The following ALS2 variants were observed in gnomAD, a reference collection of about 807,000 sequenced individuals.
ALS2 encodes alsin Rho guanine nucleotide exchange factor ALS2.
A neutral mutation model predicts 203.4 loss-of-function variants in ALS2; 117 were observed. That is an observed-to-expected ratio of 0.58 (90% CI 0.50 to 0.67). The LOEUF (loss-of-function observed/expected upper bound fraction) is 0.67, where lower values mean the gene tolerates loss of function less well. Ranked by LOEUF, ALS2 falls within the 30% of genes least tolerant of loss-of-function variation. The probability of loss-of-function intolerance (pLI) is 0.00; values close to 1 mark genes in which losing one functional copy is unlikely to be tolerated. For missense variants in ALS2, 1,715 were observed against 1,989.4 expected, an observed-to-expected ratio of 0.86 and a Z score of 2.62; for synonymous variants, 718 against 725.9, an observed-to-expected ratio of 0.99 and a Z score of 0.17.
At chr2:201,744,121 A>T in intron 10 of ALS2, 137 bp downstream of exon 10, 1 of 935,378 alleles carries the variant, frequency 1.1e-6, no homozygotes. Context: ...ATTGTTGACT[A>T]CCTGTGTACA....
intron 23 of ALS2, among the ~76,000 whole-genome samples, chr2:201,720,982 G>T (rs1049792457): frequency 6.6e-6 from 1 of 151,888 alleles, no homozygotes; most frequent in Non-Finnish European, 1.5e-5. Context: ...ACTAATAAAC[G>T]AATTCAGCAA....
chr2:201,720,461 G>A (rs1690699338), intron 23 of ALS2, among the ~76,000 whole-genome samples: 1 of 148,798 alleles, frequency 6.7e-6, no homozygotes, highest in East Asian at 2.0e-4. Context: ...CTAGCACTTT[G>A]GGAGGCCGAG....
chr2:201,762,355 C>T (rs978597435), intron 3 of ALS2, among the ~76,000 whole-genome samples: 1 of 152,178 alleles, frequency 6.6e-6, no homozygotes, highest in African/African-American at 2.4e-5. Context: ...ACAGGAAGCA[C>T]CAGTTCTTAA....
At chr2:201,773,137 G>GCCAAT (rs1694487570) in intron 1 of ALS2, among the ~76,000 whole-genome samples, 2 of 152,174 alleles carry the variant, frequency 1.3e-5, no homozygotes, top group Non-Finnish European at 2.9e-5. Flanking sequence ...TGGGATTACA[G>GCCAAT]GCGTGAGCCA....
At chr2:201,706,196 G>A (rs1393712619) in intron 29 of ALS2, among the ~76,000 whole-genome samples, 1 of 151,866 alleles carries the variant, frequency 6.6e-6, no homozygotes, top group Non-Finnish European at 1.5e-5. Flanking sequence ...GACCAGCCTG[G>A]CCAACATGGC....
chr2:201,703,611 G>A (rs577368621), intron 33 of ALS2, among the ~76,000 whole-genome samples: 1 of 152,118 alleles, frequency 6.6e-6, no homozygotes, highest in Middle Eastern at 3.4e-3. Flanking sequence ...CAAATTCCAA[G>A]AAAAATCAAG....
At chr2:201,712,073 C>T (rs890595985) in intron 25 of ALS2, among the ~76,000 whole-genome samples, 7 of 151,412 alleles carry the variant, frequency 4.6e-5, no homozygotes, top group African/African-American at 1.7e-4. Context: ...CCTATTTATC[C>T]CAAATATAGA....
rs529821491 is a variant in ALS2 at position 201,744,649 on chromosome 2, C to CT, written c.1999-221dup. Among the ~76,000 whole-genome samples, 770 of 151,686 alleles carry CT rather than the reference C, an allele frequency of 5.1e-3. 2 individuals carry two copies. Among genetic ancestry groups the CT allele is most frequent in the Middle Eastern group, 0.017 (5 of 294 alleles). On this transcript the variant is annotated intron_variant, in intron 9 of 33. Coordinates refer to ENST00000264276, the MANE Select transcript of ALS2 (RefSeq NM_020919.4). ...TTTTTTGGGGGGGTCGTCGGGGTCG[C>CT]TTTTTTTTAGAGCTGGTTCATCAGT...
Position 201,728,653 on chromosome 2 carries a change from A to G in ALS2, c.2713-13T>C, listed in dbSNP as rs985399860. The G allele has an allele frequency of 6.2e-6, 10 of 1,613,438 alleles. 1 individual carries two copies. The highest frequency in any genetic ancestry group is 2.2e-5 in the East Asian group (1 of 44,876). ...TCCTCAAGGAATCCTGGAATTAAAGACAAATATAATACAAGTCAAACAATC... is the reference window on the plus strand; with the variant it reads ...TCCTCAAGGAATCCTGGAATTAAAGGCAAATATAATACAAGTCAAACAATC... On this transcript the variant is annotated splice_polypyrimidine_tract_variant and intron_variant, in intron 14 of 33. Transcript: ENST00000264276.
chr2:201,751,647 C>T (rs991674281), intron 7 of ALS2, among the ~76,000 whole-genome samples: 3 of 152,044 alleles, frequency 2.0e-5, no homozygotes, highest in Non-Finnish European at 2.9e-5. Context: ...ATTTGCTGTT[C>T]GGGACTGTTG....
At position 201,706,919 on chromosome 2, in the gene ALS2, T is replaced by C. The variant is rs373792828; in HGVS notation, c.4507A>G (p.Ile1503Val). The change falls in exon 29 of 34, where the codon ATT becomes GTT. Residue 1503 changes from isoleucine to valine, a missense_variant. Coordinates refer to ENST00000264276, the MANE Select transcript of ALS2 (RefSeq NM_020919.4). ...AGTCGAAGGACACATTCCCAGTAAA[T>C]GTCTTCCTCGCGATCATTATCCAAA... is the stretch of plus-strand genomic sequence containing the variant. ...YALDNDREEDIYWECVLRLNK... is the reference protein window; with the variant it reads ...YALDNDREEDVYWECVLRLNK... 3 of 1,613,972 alleles carry C rather than the reference T, an allele frequency of 1.9e-6. No individual in the cohort carries two copies. The highest frequency in any genetic ancestry group is 2.5e-6 in the Non-Finnish European group (3 of 1,180,004).
chr2:201,741,696 G>T lies in ALS2; in HGVS notation c.2329C>A (p.Leu777Ile). ...RSLVILKHSS[L>I]FLDSYTEYCT... is the part of the protein sequence containing the mutation. ...TGCTCTGTATAACTATCCAAGAAGAGACTTGAATGCTTCAGGATGACCAAA... is the reference window on the plus strand; with the variant it reads ...TGCTCTGTATAACTATCCAAGAAGATACTTGAATGCTTCAGGATGACCAAA... The change falls in exon 11 of 34, where the codon CTC becomes ATC. Residue 777 changes from leucine (L) to isoleucine (I), a missense_variant. Around this residue, in one of 3 missense-constraint regions of ALS2, gnomAD observed 1,227 missense variants for 1,413.5 expected, o/e 0.87. Coordinates refer to ENST00000264276, the MANE Select transcript of ALS2 (RefSeq NM_020919.4). 6.2e-7 allele frequency: 1 copy of T among 1,614,082 alleles called. No homozygotes were observed. The highest frequency in any genetic ancestry group is 1.1e-5 in the South Asian group (1 of 91,070).
chr2:201,742,523 A>T (rs559185350), intron 10 of ALS2, among the ~76,000 whole-genome samples: 4 of 152,234 alleles, frequency 2.6e-5, no homozygotes, highest in African/African-American at 9.6e-5. Context: ...CCAGGACAGG[A>T]AAGAGGCAGA....
chr2:201,760,691 A>C, intron 4 of ALS2, 190 bp downstream of exon 4: 2 of 1,404,592 alleles, frequency 1.4e-6, no homozygotes, highest in Non-Finnish European at 1.8e-6. Flanking sequence ...GGGCCAGAAC[A>C]AACATAAAGA....
At chr2:201,719,153 AGTTAGAAGGT>A in intron 23 of ALS2, among the ~76,000 whole-genome samples, 1 of 152,382 alleles carries the variant, frequency 6.6e-6, no homozygotes, top group East Asian at 1.9e-4. Context: ...GAATTAAAAA[AGTTAGAAGGT>A]GCTATTGTTT....
chr2:201,733,259 T>C lies in ALS2; in HGVS notation c.2580+17A>G. 1 of 1,613,318 alleles carries C rather than the reference T, an allele frequency of 6.2e-7. No individual in the cohort carries two copies. Among genetic ancestry groups the C allele is most frequent in the South Asian group, 1.1e-5 (1 of 91,018 alleles). ...TTGGCTTTCCAAATGTCCAAAGAGG[T>C]ATACATGGGAGCTTACCACTTCAAA... On this transcript the variant is annotated intron_variant, in intron 13 of 33. Coordinates refer to ENST00000264276, the MANE Select transcript of ALS2 (RefSeq NM_020919.4).
At chr2:201,779,881 T>G (rs2106123029) in intron 1 of ALS2, 1 of 152,344 alleles carries the variant, frequency 6.6e-6, no homozygotes, top group East Asian at 1.9e-4. Flanking sequence ...TTCACTGCTT[T>G]AAATTATTCA....
At chr2:201,728,289 C>T (rs2106010750) in intron 15 of ALS2, among the ~76,000 whole-genome samples, 1 of 152,180 alleles carries the variant, frequency 6.6e-6, no homozygotes, top group East Asian at 1.9e-4. Flanking sequence ...TGTTTCCCTT[C>T]TTGTGTCCAA....
intron 25 of ALS2, among the ~76,000 whole-genome samples, chr2:201,713,073 G>A (rs953932952): frequency 2.7e-5 from 4 of 146,240 alleles, no homozygotes; most frequent in Non-Finnish European, 6.0e-5. Flanking sequence ...AACTTGATAA[G>A]TTTTCAACCA....
Sources: gnomAD v4.1 joint callset for allele counts (sites outside exome capture counted in the v4.1 genomes callset) on GRCh38, gnomAD v4.1.1 for gene constraint, gnomAD v4.1.1 regional missense constraint, MANE v1.5 for transcripts, NCBI Gene and HGNC (gene_info 2026-07-23, HGNC 2026-07-21) for gene names.